Variants in MYO6 observed in about 807,000 individuals in gnomAD.
MYO6 encodes unconventional myosin-VI.
A neutral mutation model predicts 178.7 loss-of-function variants in MYO6; 74 were observed. The observed-to-expected ratio is 0.41, with a 90% CI of 0.34 to 0.50. MYO6 has a LOEUF of 0.50. MYO6 is among the 20% of genes least tolerant of loss of function. The pLI, the probability that MYO6 is intolerant of heterozygous loss-of-function variation, is 0.09. For missense variants in MYO6, 1,330 were observed against 1,547.4 expected, an observed-to-expected ratio of 0.86 and a Z score of 2.36; for synonymous variants, 477 against 504.6, an observed-to-expected ratio of 0.95 and a Z score of 0.73.
chr6:75,835,566 G>A (rs1196098757), intron 6 of MYO6, among the ~76,000 whole-genome samples: 1 of 152,062 alleles, frequency 6.6e-6, no homozygotes. Context: ...TGAGTAGCTG[G>A]GATGACAGGC....
At chr6:75,880,882 A>C (rs1777962007) in intron 22 of MYO6, among the ~76,000 whole-genome samples, 1 of 152,222 alleles carries the variant, frequency 6.6e-6, no homozygotes, top group East Asian at 1.9e-4. Flanking sequence ...AATGTATTTT[A>C]TTAGTTAAGA....
intron 1 of MYO6, among the ~76,000 whole-genome samples, chr6:75,780,815 T>C (rs1488847011): frequency 1.3e-5 from 2 of 151,986 alleles, no homozygotes; most frequent in Non-Finnish European, 2.9e-5. Flanking sequence ...TTTTTTTTTT[T>C]CTTTTTTTTT....
At chr6:75,853,434 C>T (rs928219751) in intron 11 of MYO6, among the ~76,000 whole-genome samples, 1 of 151,956 alleles carries the variant, frequency 6.6e-6, no homozygotes, top group Non-Finnish European at 1.5e-5. Context: ...AGGTTTATAC[C>T]TAGTTTTTTT....
At chr6:75,789,381 T>C (rs918965257) in intron 1 of MYO6, among the ~76,000 whole-genome samples, 2 of 152,212 alleles carry the variant, frequency 1.3e-5, no homozygotes, top group African/African-American at 4.8e-5. Context: ...TTCATGTACA[T>C]ATTATTCACT....
intron 28 of MYO6, among the ~76,000 whole-genome samples, chr6:75,893,419 T>A (rs1211107058): frequency 2.0e-5 from 3 of 152,190 alleles, no homozygotes; most frequent in African/African-American, 7.2e-5. Flanking sequence ...ATATATATGT[T>A]GTATATATAC....
rs1353037449 is a variant in MYO6 at position 75,915,613 on chromosome 6, T to G, written c.*601T>G. On this transcript the variant is annotated 3_prime_UTR_variant, in exon 35 of 35. Coordinates refer to ENST00000369977, the MANE Select transcript of MYO6 (RefSeq NM_004999.4). ...GAATTCTAGAAAGAGCCTTAATGTA[T>G]TTGATGTATTCTGTGATAAGAGGTA... 6.3e-6 allele frequency: 1 copy of G among 157,948 alleles called. No homozygotes were observed. Among genetic ancestry groups the G allele is most frequent in the East Asian group, 1.9e-4 (1 of 5,346 alleles). 9.8% of individuals were successfully genotyped at this position (157,948 alleles called of 1,614,324 possible).
At chr6:75,879,751 ATCAT>A in intron 20 of MYO6, 65 bp from the exon 21 acceptor site, 2 of 1,610,726 alleles carry the variant, frequency 1.2e-6, no homozygotes, top group Non-Finnish European at 1.7e-6. Flanking sequence ...TACAAAAATG[ATCAT>A]TCACAAATTA....
At chr6:75,893,466 G>A (rs767476181) in intron 28 of MYO6, among the ~76,000 whole-genome samples, 7 of 152,048 alleles carry the variant, frequency 4.6e-5, no homozygotes, top group Non-Finnish European at 7.4e-5. Context: ...ATGCTTTTCC[G>A]AGCTTAAAAG....
chr6:75,876,615 C>T (rs1430275670), intron 20 of MYO6, among the ~76,000 whole-genome samples: 1 of 152,170 alleles, frequency 6.6e-6, no homozygotes, highest in Admixed American at 6.5e-5. Context: ...TATATGCTAT[C>T]AGATTAGTGG....
intron 1 of MYO6, among the ~76,000 whole-genome samples, chr6:75,777,922 C>T (rs1205142917): frequency 6.6e-6 from 1 of 152,142 alleles, no homozygotes; most frequent in Non-Finnish European, 1.5e-5. Context: ...AGAATCAAGA[C>T]ACCATATTAT....
chr6:75,914,098 C>G lies in MYO6; in HGVS notation c.3475C>G (p.Gln1159Glu). Reference protein sequence around the residue: ...QNPAAQIPARQREIEMNRQQR... With the variant: ...QNPAAQIPAREREIEMNRQQR... The stretch of plus-strand genomic sequence containing the variant: ...CCCAGCAGCTCAGATTCCTGCCAGG[C>G]AGCGGGAGATTGAAATGAACCGACA... The change falls in exon 34 of 35, where the codon CAG becomes GAG. Residue 1159 changes from glutamine to glutamate, a missense_variant. By Grantham distance (29) the Gln-to-Glu change is conservative. Transcript: ENST00000369977. 6.2e-7 allele frequency: 1 copy of G among 1,614,130 alleles called. No homozygotes were observed. The highest frequency in any genetic ancestry group is 1.1e-5 in the South Asian group (1 of 91,084).
At chr6:75,890,457 G>C (rs979757458) in intron 26 of MYO6, among the ~76,000 whole-genome samples, 192 bp downstream of exon 26, 12 of 152,132 alleles carry the variant, frequency 7.9e-5, no homozygotes, top group African/African-American at 2.9e-4. Context: ...CGATTTTCCT[G>C]CCTCAGCCTC....
chr6:75,802,394 G>A (rs1306231852), intron 1 of MYO6, among the ~76,000 whole-genome samples: 7 of 151,930 alleles, frequency 4.6e-5, no homozygotes, highest in South Asian at 2.1e-4. Context: ...GCTTGAACCC[G>A]GGAGGTGAAG....
At chr6:75,759,969 G>A (rs1190299085) in intron 1 of MYO6, among the ~76,000 whole-genome samples, 2 of 152,210 alleles carry the variant, frequency 1.3e-5, no homozygotes, top group East Asian at 1.9e-4. Flanking sequence ...TGGAATACAT[G>A]TTTCTTTCAT....
chr6:75,858,779 A>G (rs1775946244), intron 13 of MYO6, 123 bp from the exon 14 acceptor site: 3 of 665,390 alleles, frequency 4.5e-6, no homozygotes, highest in Non-Finnish European at 7.8e-6. Context: ...GAACAAATAT[A>G]TATAATATAC....
chr6:75,825,884 T>C (rs1323849513), intron 3 of MYO6, among the ~76,000 whole-genome samples: 1 of 152,186 alleles, frequency 6.6e-6, no homozygotes, highest in Non-Finnish European at 1.5e-5. Context: ...AAACAGTGTT[T>C]ATAAAGAAAC....
chr6:75,903,984 T>C (rs1562308580), intron 30 of MYO6, among the ~76,000 whole-genome samples: 1 of 152,138 alleles, frequency 6.6e-6, no homozygotes, highest in Non-Finnish European at 1.5e-5. Context: ...CCTTCACTTA[T>C]GAAGCTTAGT....
At chr6:75,814,169 A>G (rs557430425) in intron 1 of MYO6, among the ~76,000 whole-genome samples, 208 of 152,218 alleles carry the variant, frequency 1.4e-3, no homozygotes, top group Non-Finnish European at 2.2e-3. Flanking sequence ...TGCTGAGATG[A>G]ACTATTTGCC....
intron 1 of MYO6, among the ~76,000 whole-genome samples, chr6:75,753,453 GTGTATA>G (rs1562107766): frequency 3.2e-5 from 4 of 125,346 alleles, no homozygotes; most frequent in African/African-American, 1.3e-4. Flanking sequence ...GTGTGTGTGT[GTGTATA>G]TATATATATA....
Sources: allele counts gnomAD v4.1 joint callset (sites outside exome capture counted in the v4.1 genomes callset), GRCh38; gene constraint gnomAD v4.1.1; transcripts MANE v1.5; gene names NCBI Gene and HGNC (gene_info 2026-07-23, HGNC 2026-07-21).